ZNF804A: variants seen among roughly 807,000 people sequenced by gnomAD.
ZNF804A encodes zinc finger protein 804A.
Under a neutral mutation model 16.5 loss-of-function variants are expected in ZNF804A, and 2 were observed. The observed-to-expected ratio is 0.12, with a 90% CI of 0.05 to 0.38. The LOEUF is 0.38. ZNF804A is among the 10% of genes least tolerant of loss of function. ZNF804A has a pLI of 0.99. For synonymous variants in ZNF804A, 534 were observed against 489.6 expected, an observed-to-expected ratio of 1.09 and a Z score of -1.20; for missense variants, 1,473 against 1,390.7, an observed-to-expected ratio of 1.06 and a Z score of -0.94.
intron 1 of ZNF804A, among the ~76,000 whole-genome samples, chr2:184,694,482 C>T (rs1482195666): frequency 6.6e-6 from 1 of 152,092 alleles, no homozygotes. Context: ...CAGATAGATA[C>T]ATATTTCTTA....
At chr2:184,699,824 G>T (rs912069717) in intron 1 of ZNF804A, among the ~76,000 whole-genome samples, 1 of 152,022 alleles carries the variant, frequency 6.6e-6, no homozygotes, top group African/African-American at 2.4e-5. Context: ...TGTTATTATT[G>T]TTATCAACTT....
chr2:184,795,012 G>A (rs768379449), intron 1 of ZNF804A, among the ~76,000 whole-genome samples: 7 of 152,012 alleles, frequency 4.6e-5, no homozygotes, highest in South Asian at 4.1e-4. Flanking sequence ...TAGACAGGTC[G>A]TCAAGACAGA....
intron 1 of ZNF804A, among the ~76,000 whole-genome samples, chr2:184,672,410 G>C (rs778191423): frequency 6.6e-6 from 1 of 152,140 alleles, no homozygotes; most frequent in Non-Finnish European, 1.5e-5. Context: ...TGCTTGCTCT[G>C]AGTATCCCAT....
intron 1 of ZNF804A, among the ~76,000 whole-genome samples, chr2:184,664,878 C>A (rs1414337649): frequency 6.6e-6 from 1 of 152,050 alleles, no homozygotes; most frequent in East Asian, 1.9e-4. Context: ...TATTAATTAA[C>A]TAATGCAATA....
Position 184,868,231 on chromosome 2 carries a change from A to G in ZNF804A, c.255+1719A>G, listed in dbSNP as rs544470755. Among the ~76,000 whole-genome samples, 4 of 152,254 alleles carry G rather than the reference A, an allele frequency of 2.6e-5. No homozygotes were observed. The East Asian group carries it at 7.7e-4, about 29-fold the overall frequency. On this transcript the variant is annotated intron_variant, in intron 2 of 3. Transcript: ENST00000302277. Reference sequence around the variant, plus strand: ...CAGCACAGTCCTAATTGATTAATTCAATGTGATATGATGTTCCAGAAGCTA... The same window carrying G: ...CAGCACAGTCCTAATTGATTAATTCGATGTGATATGATGTTCCAGAAGCTA...
chr2:184,709,642 A>G (rs1052600616), intron 1 of ZNF804A, among the ~76,000 whole-genome samples: 2 of 151,752 alleles, frequency 1.3e-5, no homozygotes, highest in Non-Finnish European at 2.9e-5. Context: ...AACAATCTAA[A>G]AAGAATTATT....
chr2:184,813,954 CACTT>C (rs1447022911), intron 1 of ZNF804A, among the ~76,000 whole-genome samples: 1 of 138,532 alleles, frequency 7.2e-6, no homozygotes, highest in East Asian at 2.4e-4. Flanking sequence ...GTGCTTGAAA[CACTT>C]ACTATATACT....
chr2:184,652,484 G>A (rs1470967494), intron 1 of ZNF804A, among the ~76,000 whole-genome samples: 1 of 152,052 alleles, frequency 6.6e-6, no homozygotes, highest in Non-Finnish European at 1.5e-5. Context: ...TATTTTAAAT[G>A]AAAAATATGT....
At chr2:184,773,812 T>A (rs191239635) in intron 1 of ZNF804A, among the ~76,000 whole-genome samples, 112 of 151,962 alleles carry the variant, frequency 7.4e-4, no homozygotes, top group Non-Finnish European at 7.5e-4. Context: ...AAAAATTTTT[T>A]AAAAAATTAT....
intron 1 of ZNF804A, among the ~76,000 whole-genome samples, chr2:184,860,285 T>C (rs112383043): frequency 0.039 from 5,996 of 152,204 alleles, 384 homozygotes; most frequent in African/African-American, 0.13. Context: ...GGGTCCTCAG[T>C]CAATAGCCTG....
chr2:184,867,359 C>T (rs540877871), intron 2 of ZNF804A, among the ~76,000 whole-genome samples: 12 of 152,060 alleles, frequency 7.9e-5, no homozygotes, highest in Non-Finnish European at 1.6e-4. Flanking sequence ...TTTAAAGGTA[C>T]ATTTTTAAGC....
chr2:184,852,778 G>T (rs1400895361), intron 1 of ZNF804A, among the ~76,000 whole-genome samples: 1 of 151,616 alleles, frequency 6.6e-6, no homozygotes, highest in African/African-American at 2.4e-5. Context: ...ATTTATTTCT[G>T]AACTCTCCAT....
At chr2:184,624,810 C>T (rs879477986) in intron 1 of ZNF804A, among the ~76,000 whole-genome samples, 1 of 152,012 alleles carries the variant, frequency 6.6e-6, no homozygotes, top group Non-Finnish European at 1.5e-5. Context: ...GAATTTATAA[C>T]CATGAAGAAT....
chr2:184,682,430 A>G (rs966098828), intron 1 of ZNF804A, among the ~76,000 whole-genome samples: 57 of 152,328 alleles, frequency 3.7e-4, no homozygotes, highest in African/African-American at 1.4e-3. Context: ...CCAGTTATAC[A>G]ATCAGCCCTT....
At chr2:184,639,230 C>T (rs143516948) in intron 1 of ZNF804A, among the ~76,000 whole-genome samples, 14 of 152,026 alleles carry the variant, frequency 9.2e-5, no homozygotes, top group South Asian at 2.1e-4. Context: ...CCCACCACCA[C>T]GCCCAGCTAA....
At chr2:184,647,812 T>C (rs961656592) in intron 1 of ZNF804A, among the ~76,000 whole-genome samples, 2 of 152,210 alleles carry the variant, frequency 1.3e-5, no homozygotes. Context: ...GGAATACATA[T>C]GTGAGTTAAT....
At chr2:184,679,991 G>A (rs955163852) in intron 1 of ZNF804A, among the ~76,000 whole-genome samples, 2 of 152,188 alleles carry the variant, frequency 1.3e-5, no homozygotes, top group Non-Finnish European at 2.9e-5. Flanking sequence ...TTCTGGGCCT[G>A]CTCATGGCCA....
chr2:184,674,014 T>C (rs1376207116), intron 1 of ZNF804A, among the ~76,000 whole-genome samples: 1 of 152,120 alleles, frequency 6.6e-6, no homozygotes, highest in East Asian at 1.9e-4. Context: ...TATTCATTTT[T>C]TCATGTTGGT....
intron 2 of ZNF804A, among the ~76,000 whole-genome samples, chr2:184,933,034 A>C (rs1685727240): frequency 6.6e-6 from 1 of 152,064 alleles, no homozygotes. Context: ...TTATGGATTA[A>C]CATAAATAAT....
Sources: allele counts gnomAD v4.1 joint callset (sites outside exome capture counted in the v4.1 genomes callset), GRCh38; gene constraint gnomAD v4.1.1; transcripts MANE v1.5; gene names NCBI Gene and HGNC (gene_info 2026-07-23, HGNC 2026-07-21).